The following HTR7 variants were observed in gnomAD, a reference collection of about 807,000 sequenced individuals.
HTR7 encodes 5-hydroxytryptamine receptor 7, also known as 5-HT-7.
In HTR7, 16 loss-of-function variants were observed where a neutral mutation model predicts 34.0. The ratio of observed to expected loss-of-function variants is 0.47; its 90% CI spans 0.32 to 0.71. The LOEUF is 0.71. Ranked by LOEUF, HTR7 falls within the 30% of genes least tolerant of loss-of-function variation. The probability of loss-of-function intolerance (pLI) is 0.04; values close to 1 mark genes in which losing one functional copy is unlikely to be tolerated. For synonymous variants in HTR7, 265 were observed against 260.2 expected (o/e 1.02, Z -0.18); for missense variants, 504 against 625.5 (o/e 0.81, Z 2.07).
chr10:90,823,866 T>C lies in HTR7; in HGVS notation c.539+33267A>G, dbSNP rs536265298. On this transcript the variant is annotated intron_variant, in intron 1 of 3. Coordinates refer to ENST00000336152, the MANE Select transcript of HTR7 (RefSeq NM_019859.4). ...ACCTCCCCTTTCACTCTCTTTTTCC[T>C]GCTGGCCATGGGGAAGACATGCTTG... Among the ~76,000 whole-genome samples the C allele has an allele frequency of 5.3e-5, 8 of 152,348 alleles. No homozygotes were observed. In the East Asian group the frequency reaches 9.7e-4, roughly 18 times the overall value.
intron 1 of HTR7, among the ~76,000 whole-genome samples, chr10:90,794,792 C>T (rs1484332039): frequency 3.9e-5 from 6 of 152,212 alleles, no homozygotes; most frequent in African/African-American, 1.2e-4. Context: ...TGAACCACTG[C>T]ACCCAGCCTA....
At chr10:90,799,442 A>G (rs2119915070) in intron 1 of HTR7, among the ~76,000 whole-genome samples, 1 of 152,328 alleles carries the variant, frequency 6.6e-6, no homozygotes, top group East Asian at 1.9e-4. Context: ...CCTGAGAAAT[A>G]CATTGAGCCT....
At position 90,764,569 on chromosome 10, in the gene HTR7, G is replaced by A. The variant is rs551655176; in HGVS notation, c.540-14975C>T. On this transcript the variant is annotated intron_variant, in intron 1 of 3. Transcript: ENST00000336152. ...TTTGGTACAGTTTTTTTTCAGTGGAGTCTTTAGAGTTTTCTACATATAAGA... is the reference window on the plus strand; with the variant it reads ...TTTGGTACAGTTTTTTTTCAGTGGAATCTTTAGAGTTTTCTACATATAAGA... 1.7e-4 allele frequency among the ~76,000 whole-genome samples: 26 copies of A among 152,052 alleles called. No individual in the cohort carries two copies. The South Asian group carries it at 5.4e-3, about 32-fold the overall frequency.
intron 1 of HTR7, among the ~76,000 whole-genome samples, chr10:90,809,770 T>C (rs143823509): frequency 6.6e-6 from 1 of 152,158 alleles, no homozygotes; most frequent in African/African-American, 2.4e-5. Context: ...TCACGTCCCA[T>C]CTGTGCAGGA....
intron 1 of HTR7, among the ~76,000 whole-genome samples, chr10:90,845,965 G>A (rs1407929383): frequency 2.0e-5 from 3 of 152,070 alleles, no homozygotes; most frequent in Admixed American, 6.5e-5. Context: ...GTTCTCTTTT[G>A]CCTGTTCTCA....
At chr10:90,826,300 C>T (rs1846072361) in intron 1 of HTR7, among the ~76,000 whole-genome samples, 1 of 152,094 alleles carries the variant, frequency 6.6e-6, no homozygotes, top group South Asian at 2.1e-4. Context: ...CCCAGACAAA[C>T]AAATGCTGAG....
At chr10:90,799,573 G>A (rs936457076) in intron 1 of HTR7, among the ~76,000 whole-genome samples, 23 of 152,136 alleles carry the variant, frequency 1.5e-4, no homozygotes, top group African/African-American at 4.3e-4. Flanking sequence ...AGGACTCCCC[G>A]CAAATCATCT....
Position 90,814,894 on chromosome 10 carries a change from C to A in HTR7, c.539+42239G>T, listed in dbSNP as rs145169131. 3.3e-5 allele frequency among the ~76,000 whole-genome samples: 5 copies of A among 152,148 alleles called. 1 individual carries two copies. In the South Asian group the frequency reaches 1.0e-3, roughly 32 times the overall value. ...CAAAGATTACAATGAGAAAGCTGGC[C>A]AATAATTGCCTGGGGCATAGTGAGG... On this transcript the variant is annotated intron_variant, in intron 1 of 3. Coordinates refer to ENST00000336152, the MANE Select transcript of HTR7 (RefSeq NM_019859.4).
chr10:90,760,748 G>A (rs1844921993), intron 1 of HTR7, among the ~76,000 whole-genome samples: 1 of 152,112 alleles, frequency 6.6e-6, no homozygotes, highest in South Asian at 2.1e-4. Context: ...AGGCGTGGTG[G>A]TGGGCATCTG....
At chr10:90,856,158 G>A (rs1367943548) in intron 1 of HTR7, among the ~76,000 whole-genome samples, 1 of 152,180 alleles carries the variant, frequency 6.6e-6, no homozygotes, top group Non-Finnish European at 1.5e-5. Context: ...CCATTTCTCT[G>A]TATCATTAAA....
intron 1 of HTR7, among the ~76,000 whole-genome samples, chr10:90,752,611 C>G (rs544075570): frequency 6.6e-6 from 1 of 151,180 alleles, no homozygotes; most frequent in East Asian, 1.9e-4. Flanking sequence ...GATACTTATC[C>G]CATTAAAAAA....
intron 1 of HTR7, among the ~76,000 whole-genome samples, chr10:90,852,794 C>T (rs1004418124): frequency 6.6e-6 from 1 of 152,078 alleles, no homozygotes; most frequent in African/African-American, 2.4e-5. Context: ...TCTAGCCAAG[C>T]AAAACCCCAA....
intron 1 of HTR7, among the ~76,000 whole-genome samples, chr10:90,763,359 T>G (rs1296444241): frequency 6.6e-6 from 1 of 152,222 alleles, no homozygotes; most frequent in Non-Finnish European, 1.5e-5. Context: ...CCTTCTTGGT[T>G]AGATTTATTC....
rs186627226 is a variant in HTR7, at chr10:90,805,145, G to A, written c.539+51988C>T. Among the ~76,000 whole-genome samples the A allele has an allele frequency of 2.3e-3, 351 of 152,270 alleles. 1 individual carries two copies. The highest frequency in any genetic ancestry group is 0.01 in the Middle Eastern group (3 of 294). On this transcript the variant is annotated intron_variant, in intron 1 of 3. Coordinates refer to ENST00000336152, the MANE Select transcript of HTR7 (RefSeq NM_019859.4). ...GCACTGGCTGGTGAGTTGGGCAATAGCTACAATGTTAGGGGTGGCTGAAGA... is the reference window on the plus strand; with the variant it reads ...GCACTGGCTGGTGAGTTGGGCAATAACTACAATGTTAGGGGTGGCTGAAGA...
chr10:90,759,483 G>A (rs1844896008), intron 1 of HTR7, among the ~76,000 whole-genome samples: 2 of 149,314 alleles, frequency 1.3e-5, no homozygotes, highest in South Asian at 2.1e-4. Flanking sequence ...GTGAAACCCC[G>A]TCTCTACTAA....
chr10:90,798,438 C>T (rs1329129052), intron 1 of HTR7, among the ~76,000 whole-genome samples: 1 of 152,100 alleles, frequency 6.6e-6, no homozygotes, highest in African/African-American at 2.4e-5. Flanking sequence ...TTTAATATAT[C>T]CCCAGGCTGG....
At chr10:90,782,021 T>C (rs950115810) in intron 1 of HTR7, among the ~76,000 whole-genome samples, 3 of 152,208 alleles carry the variant, frequency 2.0e-5, no homozygotes, top group Admixed American at 6.5e-5. Flanking sequence ...GGACCAAGCA[T>C]TGGCCTCTGG....
intron 1 of HTR7, among the ~76,000 whole-genome samples, chr10:90,787,116 C>T (rs1179553135): frequency 6.6e-6 from 1 of 152,196 alleles, no homozygotes; most frequent in African/African-American, 2.4e-5. Context: ...CATCCTCTAA[C>T]CGTGCCTTAT....
chr10:90,792,387 T>A (rs983300798), intron 1 of HTR7, among the ~76,000 whole-genome samples: 1 of 152,046 alleles, frequency 6.6e-6, no homozygotes, highest in East Asian at 1.9e-4. Context: ...TTGGTTTGGT[T>A]TTTTTTGGCT....
Sources: allele counts gnomAD v4.1 joint callset (sites outside exome capture counted in the v4.1 genomes callset), GRCh38; gene constraint gnomAD v4.1.1; transcripts MANE v1.5; gene names NCBI Gene and HGNC (gene_info 2026-07-23, HGNC 2026-07-21).